The following ISM2 variants were observed in gnomAD, a reference collection of about 807,000 sequenced individuals.
The protein encoded by ISM2 is isthmin 2.
Under a neutral mutation model 58.0 loss-of-function variants are expected in ISM2, and 50 were observed. The observed-to-expected ratio is 0.86, with a 90% CI of 0.69 to 1.09. The LOEUF is 1.09. Among genes scored for constraint, ISM2 ranks in the 50% least tolerant of loss-of-function variants. The pLI is 0.00. For missense variants in ISM2, 723 were observed against 745.0 expected (o/e 0.97, Z 0.34); for synonymous variants, 303 against 312.4 (o/e 0.97, Z 0.32).
chr14:77,489,934 G>A (rs1226920137), intron 1 of ISM2, among the ~76,000 whole-genome samples: 2 of 152,158 alleles, frequency 1.3e-5, no homozygotes, highest in Non-Finnish European at 2.9e-5. Context: ...CACGATCTTG[G>A]CTCACTGCAA....
At chr14:77,476,866 C>T (rs1270389613) in intron 6 of ISM2, among the ~76,000 whole-genome samples, 1 of 152,076 alleles carries the variant, frequency 6.6e-6, no homozygotes, top group African/African-American at 2.4e-5. Flanking sequence ...GGCAAAGTCC[C>T]GTCTCTACAA....
At position 77,482,550 on chromosome 14, in the gene ISM2, G is replaced by C; in HGVS notation, c.745C>G (p.Leu249Val). The C allele has an allele frequency of 6.2e-7, 1 of 1,614,034 alleles. No homozygotes were observed. Among genetic ancestry groups the C allele is most frequent in the Non-Finnish European group, 8.5e-7 (1 of 1,179,962 alleles). Residue 249 changes from leucine (L) to valine (V), a missense_variant, in exon 4 of 7, where the codon CTC becomes GTC. Coordinates refer to ENST00000342219, the MANE Select transcript of ISM2 (RefSeq NM_199296.3). The stretch of plus-strand genomic sequence containing the variant: ...TCCTCTCCTTTGTAGTCTCCCCAGA[G>C]GAAGGACCAGAGGGCGGGCAGCCAG... ...LSWLPALWSF[L>V]WGDYKGEEKD...
intron 1 of ISM2, among the ~76,000 whole-genome samples, chr14:77,496,403 G>A (rs1246156139): frequency 6.6e-6 from 1 of 151,928 alleles, no homozygotes; most frequent in Non-Finnish European, 1.5e-5. Flanking sequence ...CAGGAGAATC[G>A]CTTGAACCCA....
chr14:77,483,614 A>G (rs1461997242), intron 3 of ISM2, among the ~76,000 whole-genome samples: 2 of 151,098 alleles, frequency 1.3e-5, no homozygotes, highest in Non-Finnish European at 2.9e-5. Context: ...TCTGCCTTCC[A>G]GTTTTTTGCG....
chr14:77,481,995 AG>A lies in ISM2; in HGVS notation c.973+326del, dbSNP rs530662088. 3.1e-3 allele frequency among the ~76,000 whole-genome samples: 471 copies of A among 151,210 alleles called. 3 individuals carry two copies. The highest frequency in any genetic ancestry group is 0.011 in the African/African-American group (443 of 41,246). On this transcript the variant is annotated intron_variant, in intron 4 of 6. Transcript: ENST00000342219. ...TGCACCTGTGGTTCCAGCTATTCGGAGGCTAAGGTGGGAGGGCTAAGGTGGG... is the reference window on the plus strand; with the variant it reads ...TGCACCTGTGGTTCCAGCTATTCGGAGCTAAGGTGGGAGGGCTAAGGTGGG...
At chr14:77,479,519 G>T (rs2079119531) in intron 4 of ISM2, among the ~76,000 whole-genome samples, 1 of 152,068 alleles carries the variant, frequency 6.6e-6, no homozygotes, top group Non-Finnish European at 1.5e-5. Context: ...GGGTAGCTGG[G>T]ATTACAGGTG....
At chr14:77,482,194 G>A in intron 4 of ISM2, 128 bp downstream of exon 4, 1 of 625,408 alleles carries the variant, frequency 1.6e-6, no homozygotes, top group South Asian at 2.2e-5. Context: ...GATGGTGTTT[G>A]AACAAGGCCT....
chr14:77,484,689 G>A lies in ISM2; in HGVS notation c.372C>T (p.Asn124=). 3 of 1,610,258 alleles carry A rather than the reference G, an allele frequency of 1.9e-6. No homozygotes were observed. Among genetic ancestry groups the A allele is most frequent in the South Asian group, 1.1e-5 (1 of 90,940 alleles). ...GLANTTLSTP[N]PDTQASASPD... ...CTGTAGCTCTCACCTGGGTATCAGG[G>A]TTAGGGGTACTCAAGGTTGTGTTGG... Residue 124 remains asparagine, a synonymous_variant, in exon 2 of 7, where the codon AAC becomes AAT. Transcript: ENST00000342219.
At chr14:77,495,182 G>A (rs978403535) in intron 1 of ISM2, among the ~76,000 whole-genome samples, 5 of 152,106 alleles carry the variant, frequency 3.3e-5, no homozygotes, top group Non-Finnish European at 7.4e-5. Context: ...GAGCCACCAC[G>A]CAGGCCCCTC....
intron 1 of ISM2, among the ~76,000 whole-genome samples, chr14:77,488,560 T>C (rs1187071686): frequency 6.6e-6 from 1 of 152,212 alleles, no homozygotes; most frequent in Admixed American, 6.5e-5. Context: ...GTACACCTAC[T>C]AGCTGCATGA....
intron 1 of ISM2, among the ~76,000 whole-genome samples, chr14:77,496,799 G>GGAAAAAAA (rs2079244256): frequency 3.9e-5 from 1 of 25,788 alleles, no homozygotes; most frequent in African/African-American, 1.8e-4. Context: ...TCCATCTCAG[G>GGAAAAAAA]AAAAAAAAAA....
At position 77,475,388 on chromosome 14, in the gene ISM2, G is replaced by A. The variant is rs940450246; in HGVS notation, c.*207C>T. ...GGGCTCCCAGGGACACCCACCCTGG[G>A]CCCTACATACCCTTCAACCTTCTCA... On this transcript the variant is annotated 3_prime_UTR_variant, in exon 7 of 7. Coordinates refer to ENST00000342219, the MANE Select transcript of ISM2 (RefSeq NM_199296.3). This position sits in a 1 kb window ranked among gnomAD's most constrained non-coding sequence, Gnocchi z 4.1. 15 of 480,376 alleles carry A rather than the reference G, an allele frequency of 3.1e-5. No individual in the cohort carries two copies. Among genetic ancestry groups the A allele is most frequent in the East Asian group, 2.0e-4 (6 of 29,366 alleles). The allele number at this position is 480,376 out of a possible 1,614,324, so 29.8% of individuals were successfully genotyped here.
Position 77,478,254 on chromosome 14 carries a change from T to C in ISM2, c.1186A>G (p.Met396Val). Reference sequence around the variant, plus strand: ...GCCCCTCACTCACCTTGATCATGCATGTCCGTAGCATTGCGGGCCAGGAGC... The same window carrying C: ...GCCCCTCACTCACCTTGATCATGCACGTCCGTAGCATTGCGGGCCAGGAGC... ...WKLLARNATD[M>V]HDQDVDSCEK... is the part of the protein sequence containing the mutation. Residue 396 changes from methionine to valine, a missense_variant, in exon 6 of 7, where the codon ATG (methionine) becomes GTG (valine). Coordinates refer to ENST00000342219, the MANE Select transcript of ISM2 (RefSeq NM_199296.3). 6.2e-7 allele frequency: 1 copy of C among 1,614,050 alleles called. No homozygotes were observed. Among genetic ancestry groups the C allele is most frequent in the Non-Finnish European group, 8.5e-7 (1 of 1,179,900 alleles).
At chr14:77,497,774 GGAAGGAAGGAAGGAAGGAAGGAAGGAA>G (rs2079255983) in intron 1 of ISM2, among the ~76,000 whole-genome samples, 6 of 64,930 alleles carry the variant, frequency 9.2e-5, no homozygotes, top group Non-Finnish European at 1.8e-4. Context: ...AGGGAGGGAA[GGAAGGAAGGAAGGAAGGAAGGAAGGAA>G]GGAAGGAAGG....
chr14:77,475,801 C>T lies in ISM2; in HGVS notation c.1510G>A (p.Gly504Ser), dbSNP rs1380597305. 1 of 1,613,242 alleles carries T rather than the reference C, an allele frequency of 6.2e-7. No individual in the cohort carries two copies. The highest frequency in any genetic ancestry group is 1.7e-5 in the Admixed American group (1 of 59,994). Residue 504 changes from glycine (G) to serine (S), a missense_variant, in exon 7 of 7, where the codon GGC (glycine) becomes AGC (serine). Gly to Ser is a moderately conservative substitution (Grantham distance 56). Coordinates refer to ENST00000342219, the MANE Select transcript of ISM2 (RefSeq NM_199296.3). The surrounding 1 kb of genome is among the most constrained non-coding windows in gnomAD (Gnocchi z 4.1). ...AGGTTGGGCATGCCGGCGCCCTTGCCACGGGTCAGCAGCCGGCTGTCCTCG... is the reference window on the plus strand; with the variant it reads ...AGGTTGGGCATGCCGGCGCCCTTGCTACGGGTCAGCAGCCGGCTGTCCTCG... ...YDEDSRLLTR[G>S]KGAGMPNLIS...
intron 1 of ISM2, among the ~76,000 whole-genome samples, chr14:77,488,405 C>A (rs2139966964): frequency 6.6e-6 from 1 of 152,202 alleles, no homozygotes; most frequent in East Asian, 1.9e-4. Context: ...GCACACTATG[C>A]ACGTGTGGAC....
chr14:77,488,451 C>T (rs953397127), intron 1 of ISM2, among the ~76,000 whole-genome samples: 1 of 152,144 alleles, frequency 6.6e-6, no homozygotes, highest in East Asian at 1.9e-4. Context: ...TGGGCCACCA[C>T]CTTCTGTCTT....
At chr14:77,484,071 G>A in intron 3 of ISM2, 1 of 423,066 alleles carries the variant, frequency 2.4e-6, no homozygotes, top group Non-Finnish European at 4.2e-6. Flanking sequence ...GGTGCTGTTT[G>A]TCTCTTGCCA....
chr14:77,498,710 G>T lies in ISM2; in HGVS notation c.84C>A (p.Pro28=), dbSNP rs930656879. ...AALLEAALGL[P]VKKPRLRGPR... ...GTCCGCGGAGCCGCGGCTTCTTCAC[G>T]GGGAGCCCTAGCGCCGCCTCCAGCA... The change falls in exon 1 of 7, where the codon CCC becomes CCA. Residue 28 remains proline (P), a synonymous_variant. Transcript: ENST00000342219. The T allele has an allele frequency of 3.4e-6, 5 of 1,485,376 alleles. No homozygotes were observed. The East Asian group carries it at 1.2e-4, about 35-fold the overall frequency. 92.0% of individuals were successfully genotyped at this position (1,485,376 alleles called of 1,614,324 possible).
Sources: gnomAD v4.1 joint callset for allele counts (sites outside exome capture counted in the v4.1 genomes callset) on GRCh38, gnomAD v4.1.1 for gene constraint, Gnocchi (gnomAD v3.1) non-coding constraint, MANE v1.5 for transcripts, NCBI Gene and HGNC (gene_info 2026-07-23, HGNC 2026-07-21) for gene names.